SRD5A2: variants seen among roughly 807,000 people sequenced by gnomAD.
The protein encoded by SRD5A2 is steroid 5 alpha-reductase 2.
In SRD5A2, 30 loss-of-function variants were observed where a neutral mutation model predicts 27.4. That is an observed-to-expected ratio of 1.10 (90% confidence interval 0.82 to 1.49). SRD5A2 has a LOEUF of 1.49. Among genes scored for constraint, SRD5A2 ranks in the 40% most tolerant of loss-of-function variants. The pLI is 0.00. For missense variants in SRD5A2, 348 were observed against 323.4 expected (o/e 1.08, Z -0.58); for synonymous variants, 141 against 133.6 (o/e 1.06, Z -0.38).
At chr2:31,622,946 T>TA in the SRD5A2 span, among the ~76,000 whole-genome samples, 1 of 152,132 alleles carries the variant, frequency 6.6e-6, no homozygotes, top group Non-Finnish European at 1.5e-5. Flanking sequence ...GGCATCCACT[T>TA]ATCAAGCTTT....
At chr2:31,595,979 A>T in the SRD5A2 span, among the ~76,000 whole-genome samples, 1 of 152,226 alleles carries the variant, frequency 6.6e-6, no homozygotes, top group African/African-American at 2.4e-5. Flanking sequence ...AGAGAGGCAG[A>T]AAAAGCATTT....
At chr2:31,532,817 G>C (rs1278190647) in intron 2 of SRD5A2, among the ~76,000 whole-genome samples, 1 of 152,096 alleles carries the variant, frequency 6.6e-6, no homozygotes, top group African/African-American at 2.4e-5. Flanking sequence ...GGGAGGGAAG[G>C]GGGACAGCAC....
the SRD5A2 span, among the ~76,000 whole-genome samples, chr2:31,621,992 A>C: frequency 6.6e-6 from 1 of 151,748 alleles, no homozygotes; most frequent in Non-Finnish European, 1.5e-5. Context: ...TCAGGAGTAC[A>C]TGTACAGGAC....
rs6726725 is a variant in SRD5A2, at chr2:31,577,290, T to C, written c.281+3330A>G. The stretch of plus-strand genomic sequence containing the variant: ...TAAAGAATCCAAACAGCCACAACAA[T>C]AGATTCTGAAGAGAGGAAAGTTATC... On this transcript the variant is annotated intron_variant, in intron 1 of 4. Coordinates refer to ENST00000622030, the MANE Select transcript of SRD5A2 (RefSeq NM_000348.4). 6.7e-3 allele frequency among the ~76,000 whole-genome samples: 990 copies of C among 147,064 alleles called. 14 individuals carry two copies. Among genetic ancestry groups the C allele is most frequent in the African/African-American group, 0.023 (933 of 39,816 alleles).
intron 1 of SRD5A2, among the ~76,000 whole-genome samples, chr2:31,560,370 C>T (rs1666597594): frequency 6.6e-6 from 1 of 152,004 alleles, no homozygotes; most frequent in African/African-American, 2.4e-5. Flanking sequence ...GCTCCCATCT[C>T]CTGTCCATCT....
At chr2:31,653,824 T>C in the SRD5A2 span, among the ~76,000 whole-genome samples, 1 of 152,106 alleles carries the variant, frequency 6.6e-6, no homozygotes, top group Non-Finnish European at 1.5e-5. Context: ...CATGCCCAGC[T>C]AATTTTTGTA....
the SRD5A2 span, among the ~76,000 whole-genome samples, chr2:31,645,667 T>C: frequency 6.6e-6 from 1 of 152,232 alleles, no homozygotes; most frequent in Non-Finnish European, 1.5e-5. Context: ...AGGGAGGATT[T>C]AATGGGATAC....
At chr2:31,591,226 C>A in the SRD5A2 span, among the ~76,000 whole-genome samples, 5 of 152,006 alleles carry the variant, frequency 3.3e-5, no homozygotes, top group Non-Finnish European at 7.4e-5. Flanking sequence ...CAATGGACTC[C>A]AACAAATTTA....
intron 1 of SRD5A2, among the ~76,000 whole-genome samples, chr2:31,568,108 G>T (rs1412792878): frequency 6.6e-6 from 1 of 152,202 alleles, no homozygotes; most frequent in East Asian, 1.9e-4. Flanking sequence ...CCCACATCTG[G>T]ATGAAGGGAA....
chr2:31,650,240 C>T, the SRD5A2 span, among the ~76,000 whole-genome samples: 5 of 152,086 alleles, frequency 3.3e-5, no homozygotes, highest in African/African-American at 9.7e-5. Flanking sequence ...TGCATTCTCA[C>T]GCGTGAGATG....
the SRD5A2 span, among the ~76,000 whole-genome samples, chr2:31,634,021 C>A: frequency 6.6e-6 from 1 of 152,156 alleles, no homozygotes; most frequent in Non-Finnish European, 1.5e-5. Flanking sequence ...CGCTTGAGAG[C>A]ACAGGGGGAT....
At chr2:31,624,957 C>A in the SRD5A2 span, among the ~76,000 whole-genome samples, 1 of 152,294 alleles carries the variant, frequency 6.6e-6, no homozygotes, top group African/African-American at 2.4e-5. Context: ...AATGGTTGAA[C>A]TAGTTTACGC....
In SRD5A2 at chr2:31,526,208, T is replaced by C; in HGVS notation, c.753A>G (p.Pro251=). ...TAATTTGGTTCCTTTAAAAGATGAA[T>C]GGAATAAGGGCTTTCCGAGATTTGG... The part of the protein sequence containing the change: ...DYPKSRKALI[P]FIF Residue 251 remains proline (P), a synonymous_variant, in exon 5 of 5, where the codon CCA becomes CCG. Coordinates refer to ENST00000622030, the MANE Select transcript of SRD5A2 (RefSeq NM_000348.4). The C allele has an allele frequency of 6.3e-7, 1 of 1,585,432 alleles. No homozygotes were observed. The highest frequency in any genetic ancestry group is 8.6e-7 in the Non-Finnish European group (1 of 1,163,964).
intron 1 of SRD5A2, among the ~76,000 whole-genome samples, chr2:31,575,218 T>C (rs1184595261): frequency 6.6e-6 from 1 of 152,158 alleles, no homozygotes; most frequent in Non-Finnish European, 1.5e-5. Context: ...GTAGTTTCCT[T>C]AGCAAGGTCT....
At chr2:31,574,096 GC>G (rs560709143) in intron 1 of SRD5A2, among the ~76,000 whole-genome samples, 62 of 152,316 alleles carry the variant, frequency 4.1e-4, no homozygotes, top group Non-Finnish European at 8.8e-4. Context: ...CCTGGCGGGG[GC>G]CCGTGCTAAC....
At chr2:31,657,301 T>C in the SRD5A2 span, among the ~76,000 whole-genome samples, 3 of 152,226 alleles carry the variant, frequency 2.0e-5, no homozygotes, top group Admixed American at 2.0e-4. Flanking sequence ...TCAGAATTTT[T>C]CCATACATCT....
chr2:31,600,201 T>C, the SRD5A2 span, among the ~76,000 whole-genome samples: 1 of 152,046 alleles, frequency 6.6e-6, no homozygotes, highest in African/African-American at 2.4e-5. Context: ...ACATGGTATA[T>C]ATGTGCCACA....
chr2:31,616,632 C>T, the SRD5A2 span, among the ~76,000 whole-genome samples: 1 of 152,214 alleles, frequency 6.6e-6, no homozygotes, highest in Non-Finnish European at 1.5e-5. Flanking sequence ...TGTATTTACC[C>T]AATGCCTGTA....
At chr2:31,605,798 T>C in the SRD5A2 span, among the ~76,000 whole-genome samples, 1 of 151,620 alleles carries the variant, frequency 6.6e-6, no homozygotes. Flanking sequence ...CACTGCTGGG[T>C]ACATACCCAA....
Sources: allele counts gnomAD v4.1 joint callset (sites outside exome capture counted in the v4.1 genomes callset), GRCh38; gene constraint gnomAD v4.1.1; transcripts MANE v1.5; gene names NCBI Gene and HGNC (gene_info 2026-07-23, HGNC 2026-07-21).